FAF1: variants seen among roughly 807,000 people sequenced by gnomAD.
FAF1 encodes the protein Fas associated factor 1.
Under a neutral mutation model 92.5 loss-of-function variants are expected in FAF1, and 25 were observed. That is an observed-to-expected ratio of 0.27 (90% CI 0.20 to 0.38). FAF1 has a LOEUF of 0.38. Ranked by LOEUF, FAF1 falls within the 10% of genes least tolerant of loss-of-function variation. The pLI is 1.00. For synonymous variants in FAF1, 234 were observed against 273.2 expected (o/e 0.86, Z 1.42); for missense variants, 636 against 793.3 (o/e 0.80, Z 2.38).
At chr1:50,596,058 G>A (rs1651796949) in intron 9 of FAF1, 63 bp downstream of exon 9, 5 of 1,031,546 alleles carry the variant, frequency 4.8e-6, no homozygotes, top group Non-Finnish European at 6.0e-6. Flanking sequence ...AAAAAAAAGG[G>A]AAGTGCGCAG....
At chr1:50,673,636 T>C (rs1327332970) in intron 7 of FAF1, among the ~76,000 whole-genome samples, 2 of 152,188 alleles carry the variant, frequency 1.3e-5, no homozygotes, top group Non-Finnish European at 2.9e-5. Context: ...TAAGAGACTC[T>C]TGACAGTCAT....
chr1:50,569,083 T>TA (rs1557998755), intron 12 of FAF1, among the ~76,000 whole-genome samples: 1 of 152,146 alleles, frequency 6.6e-6, no homozygotes, highest in African/African-American at 2.4e-5. Flanking sequence ...CAGAGAACAG[T>TA]ATCAGCCTTC....
intron 18 of FAF1, among the ~76,000 whole-genome samples, chr1:50,463,061 CTGTT>C (rs1273060414): frequency 6.6e-6 from 1 of 152,200 alleles, no homozygotes; most frequent in Non-Finnish European, 1.5e-5. Context: ...TATGCCTAAA[CTGTT>C]TGTGCAAACA....
At chr1:50,635,857 T>A (rs1459793903) in intron 8 of FAF1, among the ~76,000 whole-genome samples, 1 of 152,210 alleles carries the variant, frequency 6.6e-6, no homozygotes, top group East Asian at 1.9e-4. Context: ...GGTCAGCTAC[T>A]AGGGGAATAG....
At chr1:50,823,287 G>GA (rs1253031234) in intron 2 of FAF1, among the ~76,000 whole-genome samples, 2 of 152,162 alleles carry the variant, frequency 1.3e-5, no homozygotes, top group African/African-American at 4.8e-5. Flanking sequence ...TTTAATTCAG[G>GA]AAAGTAGGTG....
At chr1:50,667,151 T>TA (rs1655676889) in intron 7 of FAF1, among the ~76,000 whole-genome samples, 1 of 152,072 alleles carries the variant, frequency 6.6e-6, no homozygotes, top group Non-Finnish European at 1.5e-5. Context: ...GATGGCAAGA[T>TA]AAAAAATTTC....
At chr1:50,881,140 A>G (rs1040625556) in intron 1 of FAF1, among the ~76,000 whole-genome samples, 1 of 152,186 alleles carries the variant, frequency 6.6e-6, no homozygotes, top group African/African-American at 2.4e-5. Flanking sequence ...CTAGACAAAT[A>G]CAAGAATTAT....
At chr1:50,627,372 AC>A (rs1448284891) in intron 8 of FAF1, among the ~76,000 whole-genome samples, 1 of 152,158 alleles carries the variant, frequency 6.6e-6, no homozygotes, top group Non-Finnish European at 1.5e-5. Context: ...GGAGTTTTCA[AC>A]AGGTTCAAAT....
At chr1:50,704,778 A>T (rs1449408279) in intron 7 of FAF1, among the ~76,000 whole-genome samples, 1 of 152,202 alleles carries the variant, frequency 6.6e-6, no homozygotes, top group African/African-American at 2.4e-5. Flanking sequence ...CTATTCAAGT[A>T]ATCAATGAAG....
At chr1:50,870,855 AT>A (rs1417474692) in intron 1 of FAF1, among the ~76,000 whole-genome samples, 1 of 152,228 alleles carries the variant, frequency 6.6e-6, no homozygotes, top group Non-Finnish European at 1.5e-5. Flanking sequence ...CATGTTTCTC[AT>A]TTTAAATCAA....
intron 18 of FAF1, among the ~76,000 whole-genome samples, chr1:50,446,396 T>A (rs889187481): frequency 6.6e-6 from 1 of 152,254 alleles, no homozygotes; most frequent in South Asian, 2.1e-4. Context: ...GCTGACATGA[T>A]GCTCAAAACA....
chr1:50,767,837 C>T (rs1233708426), intron 4 of FAF1, among the ~76,000 whole-genome samples: 1 of 152,160 alleles, frequency 6.6e-6, no homozygotes, highest in Non-Finnish European at 1.5e-5. Context: ...CTAGACACCA[C>T]AAAAACTCAC....
chr1:50,573,297 CCAT>C (rs1442674711), intron 12 of FAF1, among the ~76,000 whole-genome samples: 2 of 152,062 alleles, frequency 1.3e-5, no homozygotes, highest in African/African-American at 4.8e-5. Flanking sequence ...TGGGGTTTCA[CCAT>C]GTTGGCCAGG....
chr1:50,809,356 T>A (rs904781112), intron 2 of FAF1, among the ~76,000 whole-genome samples: 1 of 151,648 alleles, frequency 6.6e-6, no homozygotes, highest in Admixed American at 6.6e-5. Context: ...AAAACTGACA[T>A]AATAACTAGC....
At chr1:50,554,155 A>AT (rs1649440108) in intron 13 of FAF1, among the ~76,000 whole-genome samples, 2 of 150,134 alleles carry the variant, frequency 1.3e-5, no homozygotes, top group Non-Finnish European at 3.0e-5. Flanking sequence ...TATCTAGTAC[A>AT]TTTTTGTTGC....
chr1:50,489,853 AG>A (rs1187985250), intron 17 of FAF1, among the ~76,000 whole-genome samples: 1 of 152,080 alleles, frequency 6.6e-6, no homozygotes, highest in Non-Finnish European at 1.5e-5. Flanking sequence ...TTCTATTCTT[AG>A]GGTGAAACAA....
At chr1:50,516,682 G>A (rs1332020776) in intron 15 of FAF1, among the ~76,000 whole-genome samples, 1 of 152,170 alleles carries the variant, frequency 6.6e-6, no homozygotes, top group East Asian at 1.9e-4. Context: ...ATGTAGGTTT[G>A]TTCTCCATGG....
rs1323144807 is a variant in FAF1 at position 50,440,762 on chromosome 1, T to C, written c.*678A>G. On this transcript the variant is annotated 3_prime_UTR_variant, in exon 19 of 19. Coordinates refer to ENST00000396153, the MANE Select transcript of FAF1 (RefSeq NM_007051.3). Reference sequence around the variant, plus strand: ...GATCTCAACATTCACATTGTGTGCTTGAACAGTTTCCCTATGCTGCAATGG... The same window carrying C: ...GATCTCAACATTCACATTGTGTGCTCGAACAGTTTCCCTATGCTGCAATGG... 6.6e-6 allele frequency: 1 copy of C among 152,248 alleles called. No homozygotes were observed. The highest frequency in any genetic ancestry group is 2.4e-5 in the African/African-American group (1 of 41,466). The allele number at this position is 152,248 out of a possible 1,614,324, so 9.4% of individuals were successfully genotyped here. A position where few individuals can be genotyped will look rare whatever the true frequency, so the allele number is the denominator to read the frequency against.
intron 4 of FAF1, among the ~76,000 whole-genome samples, chr1:50,764,862 G>C (rs958504357): frequency 8.5e-5 from 13 of 152,152 alleles, no homozygotes; most frequent in Admixed American, 7.9e-4. Context: ...TAATTTACAA[G>C]AGCTTATTCC....
Sources: allele counts gnomAD v4.1 joint callset (sites outside exome capture counted in the v4.1 genomes callset), GRCh38; gene constraint gnomAD v4.1.1; transcripts MANE v1.5; gene names NCBI Gene and HGNC (gene_info 2026-07-23, HGNC 2026-07-21).